CCDC91: variants seen among roughly 807,000 people sequenced by gnomAD.
CCDC91 encodes the protein coiled-coil domain containing 91, also known as coiled-coil domain-containing protein 91.
In CCDC91, 48 loss-of-function variants were observed where a neutral mutation model predicts 63.2. That is an observed-to-expected ratio of 0.76 (90% CI 0.60 to 0.97). The LOEUF is 0.97. Ranked by LOEUF, CCDC91 falls within the 50% of genes least tolerant of loss-of-function variation. The pLI, the probability that CCDC91 is intolerant of heterozygous loss-of-function variation, is 0.00. For synonymous variants in CCDC91, 167 were observed against 165.8 expected (o/e 1.01, Z -0.06); for missense variants, 500 against 494.6 (o/e 1.01, Z -0.10).
At chr12:28,484,368 C>T (rs1951608752) in intron 12 of CCDC91, 1 of 320,994 alleles carries the variant, frequency 3.1e-6, no homozygotes, top group African/African-American at 2.2e-5. Flanking sequence ...GCAAAAACAA[C>T]AGTGAATAAT....
intron 8 of CCDC91, among the ~76,000 whole-genome samples, chr12:28,428,151 A>C (rs1948428258): frequency 6.6e-6 from 1 of 152,198 alleles, no homozygotes. Context: ...CTCAGTCATC[A>C]TTATTCACAG....
chr12:28,425,253 A>G (rs563942670), intron 8 of CCDC91, among the ~76,000 whole-genome samples: 1 of 152,032 alleles, frequency 6.6e-6, no homozygotes, highest in East Asian at 1.9e-4. Context: ...CTTTTCCCCT[A>G]GTTCTCTTTA....
intron 1 of CCDC91, among the ~76,000 whole-genome samples, chr12:28,197,766 T>A (rs989835262): frequency 6.6e-6 from 1 of 152,250 alleles, no homozygotes; most frequent in East Asian, 1.9e-4. Context: ...TGAGATGTTA[T>A]CAGTACTTCT....
At chr12:28,427,751 AGTTT>A (rs1430234175) in intron 8 of CCDC91, among the ~76,000 whole-genome samples, 1 of 152,062 alleles carries the variant, frequency 6.6e-6, no homozygotes, top group African/African-American at 2.4e-5. Context: ...ATTGATCTTT[AGTTT>A]GTTCCGTTTT....
intron 11 of CCDC91, among the ~76,000 whole-genome samples, chr12:28,457,966 G>T (rs117537087): frequency 6.6e-6 from 1 of 152,042 alleles, no homozygotes; most frequent in Non-Finnish European, 1.5e-5. Flanking sequence ...TATGTCTGAC[G>T]TTGGAAGCTC....
chr12:28,253,743 C>T (rs764252689), intron 1 of CCDC91, among the ~76,000 whole-genome samples: 11 of 152,098 alleles, frequency 7.2e-5, no homozygotes, highest in Admixed American at 1.3e-4. Context: ...GATACCTTTC[C>T]GTAAAGATGA....
intron 6 of CCDC91, among the ~76,000 whole-genome samples, chr12:28,345,046 TA>T (rs1342427761): frequency 9.2e-5 from 14 of 152,148 alleles, no homozygotes; most frequent in Non-Finnish European, 2.9e-5. Context: ...AGGTTAATAA[TA>T]TATTTTTTGA....
intron 12 of CCDC91, among the ~76,000 whole-genome samples, chr12:28,511,228 G>A (rs1246262102): frequency 1.3e-5 from 2 of 151,792 alleles, no homozygotes; most frequent in African/African-American, 2.4e-5. Context: ...AGGACTACTC[G>A]CTTTCACTCT....
chr12:28,343,734 T>C (rs1298502422), intron 6 of CCDC91, among the ~76,000 whole-genome samples: 1 of 152,184 alleles, frequency 6.6e-6, no homozygotes, highest in East Asian at 1.9e-4. Context: ...CAGCAAATTC[T>C]TATGGAATAT....
At chr12:28,247,592 T>C (rs1327132819) in intron 1 of CCDC91, among the ~76,000 whole-genome samples, 1 of 151,812 alleles carries the variant, frequency 6.6e-6, no homozygotes, top group African/African-American at 2.4e-5. Context: ...GAGTGGAGAA[T>C]GGACTAGAAA....
At chr12:28,243,516 C>A (rs3847683) in intron 1 of CCDC91, among the ~76,000 whole-genome samples, 138,783 of 152,232 alleles carry the variant, frequency 0.91, 64,501 homozygotes, top group East Asian at 1. Context: ...TAGTACCTCT[C>A]CTATTAAAGT....
At chr12:28,481,943 A>G (rs185610833) in intron 11 of CCDC91, among the ~76,000 whole-genome samples, 138 of 152,076 alleles carry the variant, frequency 9.1e-4, no homozygotes, top group Admixed American at 8.9e-3. Flanking sequence ...GTTATAGCCC[A>G]TTTATTTAAA....
At chr12:28,433,847 TTCTC>T (rs1267220552) in intron 8 of CCDC91, among the ~76,000 whole-genome samples, 1 of 151,932 alleles carries the variant, frequency 6.6e-6, no homozygotes, top group East Asian at 1.9e-4. Context: ...CTCAGAATAT[TTCTC>T]TATTTAGTAA....
intron 12 of CCDC91, among the ~76,000 whole-genome samples, chr12:28,539,036 A>T (rs1942422190): frequency 6.6e-6 from 1 of 151,818 alleles, no homozygotes; most frequent in Middle Eastern, 3.4e-3. Flanking sequence ...GGTTGCAAAA[A>T]TTTTCTCCCA....
intron 3 of CCDC91, among the ~76,000 whole-genome samples, chr12:28,294,232 C>T (rs1421500050): frequency 2.6e-5 from 4 of 152,160 alleles, no homozygotes; most frequent in Admixed American, 6.5e-5. Context: ...CAGTTCTCTC[C>T]GCTTTTTTCA....
intron 8 of CCDC91, among the ~76,000 whole-genome samples, chr12:28,447,793 G>C (rs1449454108): frequency 7.0e-4 from 17 of 24,360 alleles, no homozygotes; most frequent in Non-Finnish European, 1.4e-3. Context: ...CAGGGGAGGG[G>C]AGGGGAGGGG....
chr12:28,228,138 A>C (rs1377872751), intron 1 of CCDC91, among the ~76,000 whole-genome samples: 1 of 152,070 alleles, frequency 6.6e-6, no homozygotes, highest in Non-Finnish European at 1.5e-5. Context: ...GTACCTTATC[A>C]TTCAACAATT....
chr12:28,315,114 GAAC>G (rs915447156), intron 6 of CCDC91, among the ~76,000 whole-genome samples: 2 of 151,258 alleles, frequency 1.3e-5, no homozygotes, highest in Non-Finnish European at 2.9e-5. Context: ...TATATAGAAA[GAAC>G]AACATGTTAA....
chr12:28,209,506 A>G (rs1943085761), intron 1 of CCDC91, among the ~76,000 whole-genome samples: 1 of 150,422 alleles, frequency 6.6e-6, no homozygotes. Context: ...ATCTCGGCTC[A>G]CTGCAACCTC....
Sources: gnomAD v4.1 joint callset for allele counts (sites outside exome capture counted in the v4.1 genomes callset) on GRCh38, gnomAD v4.1.1 for gene constraint, MANE v1.5 for transcripts, NCBI Gene and HGNC (gene_info 2026-07-23, HGNC 2026-07-21) for gene names.